The following CPE variants were observed in gnomAD, a reference collection of about 807,000 sequenced individuals.
CPE encodes carboxypeptidase E.
In CPE, 17 loss-of-function variants were observed where a neutral mutation model predicts 53.5. The observed-to-expected ratio is 0.32, with a 90% CI of 0.22 to 0.48. The LOEUF (loss-of-function observed/expected upper bound fraction) is 0.48. Among genes scored for constraint, CPE ranks in the 20% least tolerant of loss-of-function variants. The pLI is 0.99. For missense variants in CPE, 524 were observed against 614.7 expected (o/e 0.85, Z 1.56); for synonymous variants, 226 against 228.8 (o/e 0.99, Z 0.11).
intron 1 of CPE, among the ~76,000 whole-genome samples, chr4:165,431,114 C>T (rs1001710081): frequency 6.6e-6 from 1 of 152,144 alleles, no homozygotes; most frequent in South Asian, 2.1e-4. Flanking sequence ...CATAGATCTC[C>T]TGATACTGAC....
intron 1 of CPE, among the ~76,000 whole-genome samples, chr4:165,443,176 G>A (rs1731643732): frequency 6.6e-6 from 1 of 152,174 alleles, no homozygotes; most frequent in African/African-American, 2.4e-5. Flanking sequence ...AGCCATTGGA[G>A]ATTTCTCCTT....
intron 8 of CPE, 27 bp downstream of exon 8, chr4:165,495,704 G>A (rs781138788): frequency 6.3e-6 from 9 of 1,419,258 alleles, no homozygotes; most frequent in Admixed American, 1.8e-5. Context: ...ATAGCCAAAC[G>A]CTATAATAAT....
chr4:165,481,014 A>AT (rs1292540755), intron 3 of CPE, among the ~76,000 whole-genome samples: 1,262 of 52,912 alleles, frequency 0.024, 13 homozygotes, highest in African/African-American at 0.033. Context: ...ATATATATAT[A>AT]TATTTTTTTT....
At chr4:165,481,994 C>T (rs2126711227) in intron 3 of CPE, among the ~76,000 whole-genome samples, 1 of 152,206 alleles carries the variant, frequency 6.6e-6, no homozygotes, top group East Asian at 1.9e-4. Flanking sequence ...ACTGGCAGCC[C>T]ACAAAAATAA....
intron 1 of CPE, among the ~76,000 whole-genome samples, chr4:165,380,156 C>G (rs542605508): frequency 6.6e-6 from 1 of 152,066 alleles, no homozygotes; most frequent in African/African-American, 2.4e-5. Context: ...AGGGATATTG[C>G]CAATCTGGGG....
intron 1 of CPE, among the ~76,000 whole-genome samples, chr4:165,455,324 A>C (rs547390195): frequency 6.4e-4 from 98 of 152,278 alleles, no homozygotes; most frequent in African/African-American, 2.3e-3. Flanking sequence ...TTTCCAATTT[A>C]TCTTATTTGA....
intron 1 of CPE, among the ~76,000 whole-genome samples, chr4:165,444,014 G>C (rs181945259): frequency 6.6e-6 from 1 of 152,204 alleles, no homozygotes; most frequent in Admixed American, 6.5e-5. Flanking sequence ...CTTGACCTTG[G>C]CCATCCTAGC....
chr4:165,390,022 A>G (rs754890272), intron 1 of CPE, among the ~76,000 whole-genome samples: 7 of 152,196 alleles, frequency 4.6e-5, no homozygotes, highest in Non-Finnish European at 7.3e-5. Flanking sequence ...AATGACACAC[A>G]TATTAGATCT....
At chr4:165,480,142 A>C (rs1214471126) in intron 3 of CPE, among the ~76,000 whole-genome samples, 1 of 152,180 alleles carries the variant, frequency 6.6e-6, no homozygotes, top group East Asian at 1.9e-4. Flanking sequence ...TAAAAATTCT[A>C]TTGTCATTAA....
intron 3 of CPE, among the ~76,000 whole-genome samples, chr4:165,479,873 TC>T (rs1732372418): frequency 6.6e-6 from 1 of 151,620 alleles, no homozygotes; most frequent in Non-Finnish European, 1.5e-5. Flanking sequence ...GCACCTGTAG[TC>T]CCAGCTACGC....
chr4:165,437,134 C>T (rs1254446831), intron 1 of CPE, among the ~76,000 whole-genome samples: 4 of 152,160 alleles, frequency 2.6e-5, no homozygotes, highest in Non-Finnish European at 4.4e-5. Flanking sequence ...TAAATTCCCA[C>T]AAAAGTCCTT....
chr4:165,476,138 GT>G (rs1277146784), intron 3 of CPE, among the ~76,000 whole-genome samples: 1 of 152,194 alleles, frequency 6.6e-6, no homozygotes, highest in East Asian at 1.9e-4. Flanking sequence ...ACTGAGGCAG[GT>G]TTTAGAGTAG....
At chr4:165,424,384 T>A (rs2126675529) in intron 1 of CPE, among the ~76,000 whole-genome samples, 1 of 144,562 alleles carries the variant, frequency 6.9e-6, no homozygotes, top group East Asian at 2.1e-4. Flanking sequence ...GCTTTTTTCT[T>A]TTGATAGGAA....
At chr4:165,380,448 T>G (rs1730489479) in intron 1 of CPE, among the ~76,000 whole-genome samples, 1 of 152,208 alleles carries the variant, frequency 6.6e-6, no homozygotes, top group Non-Finnish European at 1.5e-5. Context: ...AAAGAGGTAT[T>G]TAAAAATGTT....
chr4:165,422,968 C>T (rs1374626708), intron 1 of CPE, among the ~76,000 whole-genome samples: 5 of 125,964 alleles, frequency 4.0e-5, no homozygotes, highest in Non-Finnish European at 8.0e-5. Flanking sequence ...CAGAACGAAA[C>T]TCTGTCTCAA....
intron 1 of CPE, among the ~76,000 whole-genome samples, chr4:165,445,386 G>GT (rs1731694774): frequency 6.7e-6 from 1 of 149,036 alleles, no homozygotes; most frequent in Non-Finnish European, 1.5e-5. Flanking sequence ...ATATTTAATT[G>GT]TTTTTTAAAA....
At chr4:165,434,306 T>C (rs867946592) in intron 1 of CPE, among the ~76,000 whole-genome samples, 1 of 152,120 alleles carries the variant, frequency 6.6e-6, no homozygotes. Flanking sequence ...CTAAAAAAAA[T>C]ACATTTAAAT....
At position 165,484,450 on chromosome 4, in the gene CPE, A is replaced by G; in HGVS notation, c.819A>G (p.Pro273=). 1 of 1,614,060 alleles carries G rather than the reference A, an allele frequency of 6.2e-7. No individual in the cohort carries two copies. The highest frequency in any genetic ancestry group is 1.1e-5 in the South Asian group (1 of 91,080). ...GTGCTCACGAATACAGCTCCTCCCC[A>G]GATGACGCCATTTTCCAAAGCTTGG... The part of the protein sequence containing the change: ...SGSAHEYSSS[P]DDAIFQSLAR... The change falls in exon 5 of 9, where the codon CCA becomes CCG. Residue 273 remains proline (P), a synonymous_variant. Transcript: ENST00000402744.
At chr4:165,441,092 C>T (rs1731602013) in intron 1 of CPE, among the ~76,000 whole-genome samples, 1 of 152,168 alleles carries the variant, frequency 6.6e-6, no homozygotes, top group Non-Finnish European at 1.5e-5. Flanking sequence ...TGGACCTTTA[C>T]AGCAGTATTC....
Sources: allele counts gnomAD v4.1 joint callset (sites outside exome capture counted in the v4.1 genomes callset), GRCh38; gene constraint gnomAD v4.1.1; transcripts MANE v1.5; gene names NCBI Gene and HGNC (gene_info 2026-07-23, HGNC 2026-07-21).